Variants in THSD4 observed in about 807,000 individuals in gnomAD.
THSD4 encodes thrombospondin type 1 domain containing 4.
Under a neutral mutation model 119.0 loss-of-function variants are expected in THSD4, and 69 were observed. That is an observed-to-expected ratio of 0.58 (90% CI 0.48 to 0.71). THSD4 has a LOEUF of 0.71. THSD4 is among the 30% of genes least tolerant of loss of function. The probability of loss-of-function intolerance (pLI) is 0.00; values close to 1 mark genes in which losing one functional copy is unlikely to be tolerated. For missense variants in THSD4, 1,393 were observed against 1,391.1 expected (o/e 1.00, Z -0.02); for synonymous variants, 524 against 540.4 (o/e 0.97, Z 0.42).
chr15:71,693,097 G>T (rs1383088224), intron 8 of THSD4, among the ~76,000 whole-genome samples: 3 of 151,662 alleles, frequency 2.0e-5, no homozygotes, highest in African/African-American at 7.2e-5. Context: ...CCTGATGTTA[G>T]CTCAATAATT....
chr15:71,426,365 CTGTGTGTG>C (rs199965138), intron 7 of THSD4, among the ~76,000 whole-genome samples: 31 of 102,568 alleles, frequency 3.0e-4, no homozygotes, highest in East Asian at 1.6e-3. Context: ...GTAAGTATAG[CTGTGTGTG>C]TGTGTGTGTG....
intron 7 of THSD4, among the ~76,000 whole-genome samples, chr15:71,635,364 A>AAC (rs10565218): frequency 0.019 from 2,849 of 150,274 alleles, 40 homozygotes; most frequent in African/African-American, 0.028. Flanking sequence ...AGTGGGTGGG[A>AAC]ACACACACAC....
chr15:71,337,720 A>T (rs924391867), intron 6 of THSD4, among the ~76,000 whole-genome samples: 46 of 132,204 alleles, frequency 3.5e-4, no homozygotes, highest in Non-Finnish European at 6.9e-4. Flanking sequence ...CTGCCTGAAC[A>T]CTTGAGGAGG....
chr15:71,411,920 C>G (rs763591289), intron 7 of THSD4, 97 bp downstream of exon 7: 41 of 1,521,940 alleles, frequency 2.7e-5, no homozygotes, highest in African/African-American at 2.3e-4. Flanking sequence ...CTAGCTCCCC[C>G]CAGCCCACGT....
intron 16 of THSD4, 133 bp from the exon 17 acceptor site, chr15:71,770,931 G>A: frequency 7.6e-7 from 1 of 1,321,708 alleles, no homozygotes; most frequent in East Asian, 2.4e-5. Flanking sequence ...CTGGTTGATA[G>A]GTACATGGGA....
chr15:71,411,430 A>C (rs1412385536), intron 6 of THSD4, among the ~76,000 whole-genome samples: 1 of 152,192 alleles, frequency 6.6e-6, no homozygotes, highest in African/African-American at 2.4e-5. Flanking sequence ...AGGAATTGAA[A>C]TGACAGCTCA....
intron 5 of THSD4, among the ~76,000 whole-genome samples, chr15:71,249,895 T>G (rs1177248117): frequency 7.7e-6 from 1 of 129,214 alleles, no homozygotes; most frequent in East Asian, 2.4e-4. Flanking sequence ...CCCCCTTTCC[T>G]TCCACTCCTG....
At chr15:71,174,634 C>T (rs2043426283) in intron 3 of THSD4, among the ~76,000 whole-genome samples, 1 of 92,136 alleles carries the variant, frequency 1.1e-5, no homozygotes, top group Non-Finnish European at 2.5e-5. Flanking sequence ...GTGGAGCCCA[C>T]CACAGCTCAA....
chr15:71,534,930 T>G (rs8041532), intron 7 of THSD4, among the ~76,000 whole-genome samples: 119,014 of 152,148 alleles, frequency 0.78, 46,773 homozygotes, highest in East Asian at 0.95. Context: ...CTGAACTCCA[T>G]CCTGGGTGAC....
At chr15:71,616,373 G>T (rs922540943) in intron 7 of THSD4, among the ~76,000 whole-genome samples, 1 of 152,172 alleles carries the variant, frequency 6.6e-6, no homozygotes, top group Admixed American at 6.5e-5. Flanking sequence ...ACTACATCAT[G>T]TTCCATTCTT....
intron 11 of THSD4, among the ~76,000 whole-genome samples, chr15:71,743,054 CA>C (rs34628262): frequency 0.72 from 109,411 of 151,648 alleles, 39,961 homozygotes; most frequent in East Asian, 0.92. Context: ...AACTCTGTCT[CA>C]AAAAAAATAA....
intron 6 of THSD4, among the ~76,000 whole-genome samples, chr15:71,379,615 T>C (rs112616260): frequency 1.3e-5 from 2 of 151,562 alleles, no homozygotes; most frequent in African/African-American, 4.8e-5. Context: ...CCCACCACCA[T>C]GCCCGGCTAA....
At chr15:71,616,052 G>A (rs1046901190) in intron 7 of THSD4, among the ~76,000 whole-genome samples, 1 of 152,102 alleles carries the variant, frequency 6.6e-6, no homozygotes, top group Non-Finnish European at 1.5e-5. Flanking sequence ...GTACAAATGT[G>A]CCAATTGATT....
At chr15:71,299,883 T>C (rs1376496496) in intron 6 of THSD4, among the ~76,000 whole-genome samples, 1 of 150,496 alleles carries the variant, frequency 6.6e-6, no homozygotes, top group Admixed American at 6.6e-5. Context: ...CCCAGCAATT[T>C]GGGAGGCCCA....
intron 1 of THSD4, among the ~76,000 whole-genome samples, chr15:71,121,349 A>G (rs2040407522): frequency 6.6e-6 from 1 of 150,646 alleles, no homozygotes; most frequent in African/African-American, 2.4e-5. Flanking sequence ...GTGCCACTTG[A>G]ATGTTAGCTA....
At chr15:71,609,998 C>T (rs912284066) in intron 7 of THSD4, among the ~76,000 whole-genome samples, 15 of 152,060 alleles carry the variant, frequency 9.9e-5, no homozygotes, top group African/African-American at 2.9e-4. Flanking sequence ...TAAATACAGG[C>T]GGCCTGGCAT....
chr15:71,202,736 C>A (rs369130407), intron 3 of THSD4, among the ~76,000 whole-genome samples: 15 of 152,058 alleles, frequency 9.9e-5, no homozygotes, highest in Admixed American at 7.9e-4. Flanking sequence ...GACTCTCTGG[C>A]GCTTCTTGAC....
chr15:71,392,543 A>C (rs936965799), intron 6 of THSD4, among the ~76,000 whole-genome samples: 1 of 152,198 alleles, frequency 6.6e-6, no homozygotes, highest in Admixed American at 6.5e-5. Context: ...TAGATTCTCC[A>C]GTGTGCTAGG....
rs375081607 is a variant in THSD4 at position 71,326,673 on chromosome 15, CAAAAAAAAA to C, written c.1015+69978_1015+69986del. On this transcript the variant is annotated intron_variant, in intron 6 of 17. Coordinates refer to ENST00000261862, the MANE Select transcript of THSD4 (RefSeq NM_024817.3). Reference sequence around the variant, plus strand: ...TGGGCAACAGAGCAAGATTCCATCTCAAAAAAAAAAAAAAAAAAAAAAAAAAAATATATA... The same window carrying C: ...TGGGCAACAGAGCAAGATTCCATCTCAAAAAAAAAAAAAAAAAAATATATA... 2.6e-3 allele frequency among the ~76,000 whole-genome samples: 33 copies of C among 12,928 alleles called. 1 individual carries two copies. The South Asian group carries it at 0.045, about 18-fold the overall frequency. The allele number at this position is 12,928 out of a possible 152,430, so 8.5% of individuals were successfully genotyped here.
Sources: gnomAD v4.1 joint callset for allele counts (sites outside exome capture counted in the v4.1 genomes callset) on GRCh38, gnomAD v4.1.1 for gene constraint, MANE v1.5 for transcripts, NCBI Gene and HGNC (gene_info 2026-07-23, HGNC 2026-07-21) for gene names.